SHROOM3: variants seen among roughly 807,000 people sequenced by gnomAD.
The protein encoded by SHROOM3 is shroom family member 3.
SHROOM3 carries 47 observed loss-of-function variants against 138.6 expected under a neutral mutation model. That is an observed-to-expected ratio of 0.34 (90% CI 0.27 to 0.43). SHROOM3 has a LOEUF of 0.43. SHROOM3 is among the 20% of genes least tolerant of loss of function. SHROOM3 has a pLI of 1.00. For missense variants in SHROOM3, 2,491 were observed against 2,596.5 expected, an observed-to-expected ratio of 0.96 and a Z score of 0.88; for synonymous variants, 1,062 against 1,063.3, an observed-to-expected ratio of 1.00 and a Z score of 0.02.
chr4:76,659,120 C>A (rs544993773), intron 2 of SHROOM3, among the ~76,000 whole-genome samples: 1 of 152,070 alleles, frequency 6.6e-6, no homozygotes, highest in South Asian at 2.1e-4. Flanking sequence ...AAGCTTGGTT[C>A]TGGTGTCCCC....
chr4:76,595,334 T>C (rs1734358464), intron 2 of SHROOM3, among the ~76,000 whole-genome samples: 1 of 152,212 alleles, frequency 6.6e-6, no homozygotes, highest in Non-Finnish European at 1.5e-5. Context: ...CAGACTGGCT[T>C]TCTGACAGAC....
intron 2 of SHROOM3, among the ~76,000 whole-genome samples, chr4:76,701,852 C>G (rs1161899491): frequency 6.6e-6 from 1 of 152,142 alleles, no homozygotes; most frequent in African/African-American, 2.4e-5. Flanking sequence ...AGGATAGGCA[C>G]TTCCATTTCC....
intron 3 of SHROOM3, chr4:76,716,408 A>G (rs1720375992): frequency 1.9e-6 from 1 of 518,914 alleles, no homozygotes; most frequent in Non-Finnish European, 3.8e-6. Flanking sequence ...TATTTGCCAC[A>G]AGGTAAGTTC....
chr4:76,660,695 C>G (rs868375909), intron 2 of SHROOM3, among the ~76,000 whole-genome samples: 3 of 152,082 alleles, frequency 2.0e-5, no homozygotes, highest in African/African-American at 7.2e-5. Flanking sequence ...AGGCTGGTCT[C>G]AAACTCCTGA....
chr4:76,478,055 G>A (rs775026360), intron 1 of SHROOM3, among the ~76,000 whole-genome samples: 1 of 152,124 alleles, frequency 6.6e-6, no homozygotes, highest in Non-Finnish European at 1.5e-5. Context: ...GCGGTTGTTT[G>A]GGCAGACACC....
chr4:76,770,705 T>G lies in SHROOM3; in HGVS notation c.5429T>G (p.Leu1810Arg). 6.2e-7 allele frequency: 1 copy of G among 1,614,138 alleles called. No individual in the cohort carries two copies. The highest frequency in any genetic ancestry group is 1.1e-5 in the South Asian group (1 of 91,078). The change falls in exon 10 of 11, where the codon CTC becomes CGC. Residue 1810 changes from leucine to arginine, a missense_variant. This residue lies in a region of SHROOM3 where 470 missense variants were observed against 595.0 expected (regional missense o/e 0.79). Transcript: ENST00000296043. ...AKGSLLTDIK[L>R]NNALGEEVEA... Reference sequence around the variant, plus strand: ...GGGAGCCTGCTCACGGACATCAAGCTCAACAACGCCCTGGGAGAAGAGGTG... The same window carrying G: ...GGGAGCCTGCTCACGGACATCAAGCGCAACAACGCCCTGGGAGAAGAGGTG...
At chr4:76,448,092 A>T (rs1730850489) in intron 1 of SHROOM3, among the ~76,000 whole-genome samples, 1 of 152,146 alleles carries the variant, frequency 6.6e-6, no homozygotes, top group Non-Finnish European at 1.5e-5. Flanking sequence ...CATTATTTAT[A>T]TGTGTCAGTC....
chr4:76,515,970 G>GGCATGGGAAATGATT (rs1218599461), intron 1 of SHROOM3, among the ~76,000 whole-genome samples: 1 of 152,162 alleles, frequency 6.6e-6, no homozygotes, highest in African/African-American at 2.4e-5. Flanking sequence ...CACAGGGCCT[G>GGCATGGGAAATGATT]GCATGGGAAA....
chr4:76,732,214 T>A (rs1489082864), intron 4 of SHROOM3, among the ~76,000 whole-genome samples: 1 of 152,158 alleles, frequency 6.6e-6, no homozygotes, highest in African/African-American at 2.4e-5. Flanking sequence ...TAAGGGTCAC[T>A]TAGTCCTTAC....
intron 2 of SHROOM3, among the ~76,000 whole-genome samples, chr4:76,661,790 A>T (rs1475560763): frequency 2.0e-5 from 3 of 152,180 alleles, no homozygotes; most frequent in African/African-American, 7.2e-5. Context: ...ACTGATGGAC[A>T]TTTGGATTGT....
intron 2 of SHROOM3, among the ~76,000 whole-genome samples, chr4:76,610,346 A>G (rs549160709): frequency 1.3e-5 from 2 of 152,282 alleles, no homozygotes; most frequent in South Asian, 2.1e-4. Flanking sequence ...ATTTCTGGTA[A>G]TTTTGAATTT....
At position 76,631,864 on chromosome 4, in the gene SHROOM3, T is replaced by G. The variant is rs183873284; in HGVS notation, c.323+76101T>G. On this transcript the variant is annotated intron_variant, in intron 2 of 10. Coordinates refer to ENST00000296043, the MANE Select transcript of SHROOM3 (RefSeq NM_020859.4). ...GCAGAGAGGGAGACCAGTTATGAAA[T>G]TATTACACCAATCTAAGGAGATGGT... Among the ~76,000 whole-genome samples the G allele has an allele frequency of 2.6e-5, 4 of 152,274 alleles. No homozygotes were observed. The East Asian group carries it at 7.7e-4, about 29-fold the overall frequency.
At chr4:76,744,558 C>T (rs759854177) in intron 5 of SHROOM3, among the ~76,000 whole-genome samples, 3 of 152,230 alleles carry the variant, frequency 2.0e-5, no homozygotes, top group Non-Finnish European at 4.4e-5. Context: ...AAGTTACTCT[C>T]ACCACATAAC....
rs184396714 is a variant in SHROOM3, at chr4:76,558,101, C to T, written c.323+2338C>T. The stretch of plus-strand genomic sequence containing the variant: ...AATCCACACTCCTGATGTGTTTCAA[C>T]ATGACTGTGGTGATAGATTGGCCTC... On this transcript the variant is annotated intron_variant, in intron 2 of 10. Transcript: ENST00000296043. 1.1e-4 allele frequency among the ~76,000 whole-genome samples: 16 copies of T among 152,318 alleles called. No individual in the cohort carries two copies. The South Asian group carries it at 2.3e-3, about 22-fold the overall frequency.
intron 2 of SHROOM3, among the ~76,000 whole-genome samples, chr4:76,623,227 C>T (rs1205290517): frequency 5.3e-5 from 8 of 152,036 alleles, no homozygotes; most frequent in Non-Finnish European, 1.0e-4. Flanking sequence ...CAGGTATCTC[C>T]TGCTGCACCA....
intron 3 of SHROOM3, among the ~76,000 whole-genome samples, chr4:76,722,763 T>C (rs1720588627): frequency 6.6e-6 from 1 of 152,192 alleles, no homozygotes; most frequent in African/African-American, 2.4e-5. Context: ...TTAATAGACC[T>C]AATTTGCAGA....
Position 76,765,111 on chromosome 4 carries a change from A to AT in SHROOM3, c.5349+5430dup, listed in dbSNP as rs34890356. Among the ~76,000 whole-genome samples, 1,057 of 140,834 alleles carry AT rather than the reference A, an allele frequency of 7.5e-3. 7 individuals are homozygous for AT. Among genetic ancestry groups the AT allele is most frequent in the East Asian group, 0.019 (91 of 4,850 alleles). The allele number at this position is 140,834 out of a possible 152,430, so 92.4% of individuals were successfully genotyped here. A position where few individuals can be genotyped will look rare whatever the true frequency, so the allele number is the denominator to read the frequency against. ...CTTTCCTATCTCCATTCTGCCAGTG[A>AT]TTTTTTTTTTTTTTAATTTCAAATA... On this transcript the variant is annotated intron_variant, in intron 9 of 10. Coordinates refer to ENST00000296043, the MANE Select transcript of SHROOM3 (RefSeq NM_020859.4).
chr4:76,597,784 A>T (rs533307501), intron 2 of SHROOM3, among the ~76,000 whole-genome samples: 1 of 152,336 alleles, frequency 6.6e-6, no homozygotes, highest in South Asian at 2.1e-4. Context: ...TTGAGGAAGC[A>T]GATCCCGTGT....
chr4:76,480,554 C>G (rs1221077862), intron 1 of SHROOM3, among the ~76,000 whole-genome samples: 1 of 152,078 alleles, frequency 6.6e-6, no homozygotes, highest in Admixed American at 6.5e-5. Context: ...CTTTAACACC[C>G]CACTGTCAAT....
Sources: allele counts gnomAD v4.1 joint callset (sites outside exome capture counted in the v4.1 genomes callset), GRCh38; gene constraint gnomAD v4.1.1; regional missense constraint gnomAD v4.1.1; transcripts MANE v1.5; gene names NCBI Gene and HGNC (gene_info 2026-07-23, HGNC 2026-07-21).